CCBE1: variants seen among roughly 807,000 people sequenced by gnomAD.
CCBE1 encodes the protein collagen and calcium binding EGF domains 1, also known as collagen and calcium-binding EGF domain-containing protein 1.
In CCBE1, 37 loss-of-function variants were observed where a neutral mutation model predicts 50.0. The ratio of observed to expected loss-of-function variants is 0.74; its 90% CI spans 0.57 to 0.97. CCBE1 has a LOEUF of 0.97. CCBE1 is among the 50% of genes least tolerant of loss of function. CCBE1 has a pLI of 0.00. For synonymous variants in CCBE1, 234 were observed against 203.7 expected, an observed-to-expected ratio of 1.15 and a Z score of -1.27; for missense variants, 538 against 523.8, an observed-to-expected ratio of 1.03 and a Z score of -0.26.
intron 2 of CCBE1, among the ~76,000 whole-genome samples, chr18:59,641,135 A>T (rs2053983535): frequency 6.6e-6 from 1 of 152,216 alleles, no homozygotes. Context: ...ATAAAAAAAC[A>T]TTCTACCATA....
chr18:59,643,808 C>T (rs1451679059), intron 2 of CCBE1, among the ~76,000 whole-genome samples: 4 of 125,558 alleles, frequency 3.2e-5, no homozygotes, highest in Non-Finnish European at 4.7e-5. Flanking sequence ...GGCAACAATG[C>T]GAGACTGTCT....
At chr18:59,654,215 A>G (rs1031465213) in intron 2 of CCBE1, among the ~76,000 whole-genome samples, 11 of 152,208 alleles carry the variant, frequency 7.2e-5, no homozygotes, top group Non-Finnish European at 1.3e-4. Context: ...CCAGCCTGGT[A>G]TAAAGTAATG....
intron 2 of CCBE1, among the ~76,000 whole-genome samples, chr18:59,514,422 T>C (rs1914272960): frequency 6.6e-6 from 1 of 152,070 alleles, no homozygotes; most frequent in South Asian, 2.1e-4. Flanking sequence ...GGCACTTTGT[T>C]TTCCTGCAGT....
chr18:59,466,654 T>A, intron 5 of CCBE1, 85 bp downstream of exon 5: 1 of 757,250 alleles, frequency 1.3e-6, no homozygotes, highest in Non-Finnish European at 2.0e-6. Flanking sequence ...ATCATATCTA[T>A]ATAATATATA....
In CCBE1 at chr18:59,435,221, C is replaced by G. The variant is rs1466754394; in HGVS notation, c.*687G>C. On this transcript the variant is annotated 3_prime_UTR_variant, in exon 11 of 11. Transcript: ENST00000439986. ...TAAGCATGGCATGAAACCTTAAGCACCGTATTTGAATTTTAGAATGTGGCA... is the reference window on the plus strand; with the variant it reads ...TAAGCATGGCATGAAACCTTAAGCAGCGTATTTGAATTTTAGAATGTGGCA... 1 of 152,408 alleles carries G rather than the reference C, an allele frequency of 6.6e-6. No individual in the cohort carries two copies. Among genetic ancestry groups the G allele is most frequent in the South Asian group, 2.1e-4 (1 of 4,824 alleles). The allele number at this position is 152,408 out of a possible 1,614,324, so 9.4% of individuals were successfully genotyped here. A position where few individuals can be genotyped will look rare whatever the true frequency, so the allele number is the denominator to read the frequency against.
intron 2 of CCBE1, among the ~76,000 whole-genome samples, chr18:59,522,979 G>A (rs1914667611): frequency 1.0e-5 from 1 of 97,098 alleles, no homozygotes; most frequent in South Asian, 3.8e-4. Flanking sequence ...GCAACAGAGT[G>A]AGAGACTCTG....
chr18:59,657,838 C>T (rs981953196), intron 2 of CCBE1, among the ~76,000 whole-genome samples: 3 of 152,150 alleles, frequency 2.0e-5, no homozygotes, highest in Non-Finnish European at 2.9e-5. Flanking sequence ...TTGCAGTGAG[C>T]CCAGATTGTG....
At chr18:59,582,907 G>A (rs934560872) in intron 2 of CCBE1, among the ~76,000 whole-genome samples, 1 of 152,046 alleles carries the variant, frequency 6.6e-6, no homozygotes, top group Non-Finnish European at 1.5e-5. Flanking sequence ...CCAGCTCCTG[G>A]GCTCGAGCAA....
intron 2 of CCBE1, among the ~76,000 whole-genome samples, chr18:59,512,656 A>T (rs976153377): frequency 6.6e-6 from 1 of 152,220 alleles, no homozygotes; most frequent in Non-Finnish European, 1.5e-5. Flanking sequence ...CATAGTGGGG[A>T]GTCTCCACTC....
chr18:59,511,777 T>A (rs1914143120), intron 2 of CCBE1, among the ~76,000 whole-genome samples: 1 of 152,224 alleles, frequency 6.6e-6, no homozygotes, highest in Non-Finnish European at 1.5e-5. Flanking sequence ...CAGCAGGCTG[T>A]TGTGAGCACA....
At chr18:59,483,444 C>G (rs530363416) in intron 2 of CCBE1, among the ~76,000 whole-genome samples, 1 of 152,270 alleles carries the variant, frequency 6.6e-6, no homozygotes, top group African/African-American at 2.4e-5. Flanking sequence ...TTTCAATGAG[C>G]ATTTCTTTTG....
intron 2 of CCBE1, among the ~76,000 whole-genome samples, chr18:59,584,436 C>T (rs1027478261): frequency 6.6e-6 from 1 of 151,834 alleles, no homozygotes; most frequent in African/African-American, 2.4e-5. Flanking sequence ...ACCAGCATGG[C>T]ACATGTATAC....
intron 2 of CCBE1, among the ~76,000 whole-genome samples, chr18:59,622,350 G>A (rs1381058339): frequency 2.6e-5 from 4 of 152,136 alleles, no homozygotes; most frequent in Admixed American, 6.5e-5. Flanking sequence ...ACAAAAGTTA[G>A]CTGGGTGTGG....
chr18:59,513,691 CA>C (rs1914236468), intron 2 of CCBE1, among the ~76,000 whole-genome samples: 1 of 152,214 alleles, frequency 6.6e-6, no homozygotes, highest in Admixed American at 6.5e-5. Context: ...TGAAAATTAG[CA>C]ATGGCTACAC....
At chr18:59,438,265 A>T in intron 9 of CCBE1, 119 bp from the exon 10 acceptor site, 9 of 942,164 alleles carry the variant, frequency 9.6e-6, no homozygotes, top group Non-Finnish European at 1.5e-5. Context: ...TTTTCTATAG[A>T]AAACATATGT....
chr18:59,487,365 T>C (rs1912872952), intron 2 of CCBE1, among the ~76,000 whole-genome samples: 1 of 152,112 alleles, frequency 6.6e-6, no homozygotes. Flanking sequence ...GCAAAGTTCT[T>C]TAGTATGAGG....
At chr18:59,499,599 C>T (rs1351630329) in intron 2 of CCBE1, among the ~76,000 whole-genome samples, 7 of 152,092 alleles carry the variant, frequency 4.6e-5, no homozygotes, top group Non-Finnish European at 4.4e-5. Context: ...ACCATCAGAT[C>T]CTGTGAGACG....
intron 6 of CCBE1, among the ~76,000 whole-genome samples, chr18:59,449,526 G>A (rs867944775): frequency 5.3e-5 from 8 of 151,694 alleles, no homozygotes; most frequent in Admixed American, 3.3e-4. Context: ...GGAGGCTAAG[G>A]CAGGAGAACT....
chr18:59,586,777 T>C (rs185927127), intron 2 of CCBE1, among the ~76,000 whole-genome samples: 1 of 152,310 alleles, frequency 6.6e-6, no homozygotes, highest in East Asian at 1.9e-4. Flanking sequence ...ACACATAAGA[T>C]GATTTCACAT....
Sources: gnomAD v4.1 joint callset for allele counts (sites outside exome capture counted in the v4.1 genomes callset) on GRCh38, gnomAD v4.1.1 for gene constraint, MANE v1.5 for transcripts, NCBI Gene and HGNC (gene_info 2026-07-23, HGNC 2026-07-21) for gene names.